TRAK1: variants seen among roughly 807,000 people sequenced by gnomAD.
TRAK1 encodes the protein trafficking kinesin protein 1.
In TRAK1, 33 loss-of-function variants were observed where a neutral mutation model predicts 92.1. That is an observed-to-expected ratio of 0.36 (90% CI 0.27 to 0.48). The LOEUF (loss-of-function observed/expected upper bound fraction) is 0.48. TRAK1 is among the 20% of genes least tolerant of loss of function. The pLI is 0.99. For missense variants in TRAK1, 1,123 were observed against 1,257.9 expected (o/e 0.89, Z 1.62); for synonymous variants, 521 against 517.3 (o/e 1.01, Z -0.10).
At position 42,210,084 on chromosome 3, in the gene TRAK1, ACGG is replaced by A. The variant is rs768863728; in HGVS notation, c.1963+100_1963+102del. 8 of 1,441,052 alleles carry A rather than the reference ACGG, an allele frequency of 5.6e-6. No homozygotes were observed. The highest frequency in any genetic ancestry group is 2.5e-5 in the South Asian group (2 of 80,642). The allele number at this position is 1,441,052 out of a possible 1,614,324, so 89.3% of individuals were successfully genotyped here. ...GGAGATGCAGGAGCCGCCAGCGGCC[ACGG>A]AGGAGGAGGAGGAGGAGGAGGAGGA... On this transcript the variant is annotated intron_variant, in intron 14 of 15. Transcript: ENST00000327628.
At chr3:42,063,931 A>T (rs1439596110) in intron 1 of TRAK1, among the ~76,000 whole-genome samples, 1 of 152,118 alleles carries the variant, frequency 6.6e-6, no homozygotes, top group African/African-American at 2.4e-5. Flanking sequence ...GTCTAAAGAG[A>T]TCTGTAATTT....
intron 2 of TRAK1, among the ~76,000 whole-genome samples, chr3:42,130,186 T>C (rs1016010223): frequency 1.3e-5 from 2 of 152,066 alleles, no homozygotes; most frequent in Non-Finnish European, 1.5e-5. Context: ...ACTTTTGTAG[T>C]CACATAACAC....
intron 1 of TRAK1, among the ~76,000 whole-genome samples, chr3:42,035,582 T>C (rs72867928): frequency 0.016 from 2,407 of 152,322 alleles, 58 homozygotes; most frequent in African/African-American, 0.055. Context: ...TTCCTGACAC[T>C]TCTTTTTGCT....
At chr3:42,057,825 T>C (rs1207406645) in intron 1 of TRAK1, among the ~76,000 whole-genome samples, 3 of 152,202 alleles carry the variant, frequency 2.0e-5, no homozygotes, top group Non-Finnish European at 4.4e-5. Context: ...GAACTCACCC[T>C]GGTTCACCTG....
At chr3:42,124,130 A>G (rs1473574117) in intron 1 of TRAK1, among the ~76,000 whole-genome samples, 1 of 112,178 alleles carries the variant, frequency 8.9e-6, no homozygotes, top group Non-Finnish European at 1.9e-5. Flanking sequence ...AGAGTGAGAC[A>G]CTGTCTTAAA....
chr3:42,141,863 C>G (rs1280477985), intron 2 of TRAK1, among the ~76,000 whole-genome samples: 1 of 152,086 alleles, frequency 6.6e-6, no homozygotes, highest in Non-Finnish European at 1.5e-5. Context: ...GGGCCGGGCA[C>G]GGTGGCTCAT....
rs1380564700 is a variant in TRAK1 at position 42,076,845 on chromosome 3, A to G, written c.-518-10259A>G. Among the ~76,000 whole-genome samples the G allele has an allele frequency of 3.9e-5, 6 of 152,258 alleles. 1 individual carries two copies. In the Middle Eastern group the frequency reaches 0.01, roughly 259 times the overall value. On this transcript the variant is annotated intron_variant, in intron 1 of 16. Coordinates refer to the TRAK1 transcript ENST00000487159. Reference sequence around the variant, plus strand: ...AAGGGGTCTAGTTCCAATCTTCTGTATATGGATAGCCAGTTATCCCAGCAC... The same window carrying G: ...AAGGGGTCTAGTTCCAATCTTCTGTGTATGGATAGCCAGTTATCCCAGCAC...
chr3:42,032,293 G>A (rs1374881414), intron 1 of TRAK1, among the ~76,000 whole-genome samples: 1 of 152,168 alleles, frequency 6.6e-6, no homozygotes, highest in Non-Finnish European at 1.5e-5. Flanking sequence ...CAGTGAGTGA[G>A]GCATGCCTGG....
chr3:42,221,953 GT>G (rs1710400898), intron 15 of TRAK1: 2 of 140,742 alleles, frequency 1.4e-5, no homozygotes, highest in African/African-American at 6.5e-5. Context: ...ATTTTTGACA[GT>G]TTTTAGGGAT....
intron 8 of TRAK1, among the ~76,000 whole-genome samples, 179 bp from the exon 9 acceptor site, chr3:42,193,645 T>C (rs1010302920): frequency 6.6e-6 from 1 of 152,130 alleles, no homozygotes; most frequent in African/African-American, 2.4e-5. Context: ...CTATAGAGAA[T>C]GAATGTGGAT....
rs368331030 is a variant in TRAK1 at position 42,188,125 on chromosome 3, C to T, written c.561C>T (p.Pro187=). ...CCAGCGCTGCGGAGGAGAGTGAGCC[C>T]GAGTCCGTTTGCTCAACCCCGTAAG... ...FYTSAAEESE[P]ESVCSTPLKR... The change falls in exon 5 of 16, where the codon CCC becomes CCT. Residue 187 remains proline, a synonymous_variant. Coordinates refer to ENST00000327628, the MANE Select transcript of TRAK1 (RefSeq NM_001042646.3). 4.0e-5 allele frequency: 64 copies of T among 1,614,064 alleles called. No individual in the cohort carries two copies. Among genetic ancestry groups the T allele is most frequent in the Admixed American group, 2.8e-4 (17 of 60,002 alleles).
intron 1 of TRAK1, among the ~76,000 whole-genome samples, chr3:42,094,003 C>T (rs1035017776): frequency 1.3e-5 from 2 of 151,474 alleles, no homozygotes; most frequent in Non-Finnish European, 2.9e-5. Flanking sequence ...CGTGCCTGGC[C>T]GAAACAAGCT....
At chr3:42,150,925 A>G (rs1699883686) in intron 2 of TRAK1, among the ~76,000 whole-genome samples, 1 of 152,230 alleles carries the variant, frequency 6.6e-6, no homozygotes, top group Non-Finnish European at 1.5e-5. Context: ...TCTAAAAGCA[A>G]GTTCCCATTC....
intron 1 of TRAK1, among the ~76,000 whole-genome samples, chr3:42,107,096 A>G (rs1707668722): frequency 6.6e-6 from 1 of 152,244 alleles, no homozygotes; most frequent in Non-Finnish European, 1.5e-5. Flanking sequence ...CAGGACAGTC[A>G]GGACAGGGGG....
intron 1 of TRAK1, among the ~76,000 whole-genome samples, chr3:42,051,001 C>T (rs1702956662): frequency 6.6e-6 from 1 of 152,164 alleles, no homozygotes; most frequent in Non-Finnish European, 1.5e-5. Flanking sequence ...TGCAGAAGAG[C>T]TCACATTATA....
At chr3:42,212,174 C>G in intron 14 of TRAK1, 3 of 985,432 alleles carry the variant, frequency 3.0e-6, no homozygotes, top group Non-Finnish European at 3.6e-6. Flanking sequence ...CATGGAGACA[C>G]AGGCAGACAG....
chr3:42,017,372 T>G (rs1482042047), intron 1 of TRAK1, among the ~76,000 whole-genome samples: 1 of 151,932 alleles, frequency 6.6e-6, no homozygotes, highest in Non-Finnish European at 1.5e-5. Flanking sequence ...TTTTAAAAGA[T>G]GGAGATAGAA....
intron 1 of TRAK1, among the ~76,000 whole-genome samples, chr3:42,014,842 T>C (rs1701455185): frequency 6.6e-6 from 1 of 152,136 alleles, no homozygotes; most frequent in Non-Finnish European, 1.5e-5. Context: ...ACTGGAACTT[T>C]ATTTGCTTCA....
At chr3:42,148,243 C>T (rs1405833030) in intron 2 of TRAK1, among the ~76,000 whole-genome samples, 2 of 152,096 alleles carry the variant, frequency 1.3e-5, no homozygotes. Context: ...GTGCTACCTG[C>T]GTTTAGTGGG....
Sources: gnomAD v4.1 joint callset for allele counts (sites outside exome capture counted in the v4.1 genomes callset) on GRCh38, gnomAD v4.1.1 for gene constraint, MANE v1.5 for transcripts, NCBI Gene and HGNC (gene_info 2026-07-23, HGNC 2026-07-21) for gene names.